Variants in EFHC1 observed in about 807,000 individuals in gnomAD.
EFHC1 encodes the protein EF-hand domain containing 1, also known as EF-hand domain-containing protein 1.
Under a neutral mutation model 69.9 loss-of-function variants are expected in EFHC1, and 53 were observed. The observed-to-expected ratio is 0.76, with a 90% CI of 0.61 to 0.95. The LOEUF is 0.95. Among genes scored for constraint, EFHC1 ranks in the 40% least tolerant of loss-of-function variants. The pLI, the probability that EFHC1 is intolerant of heterozygous loss-of-function variation, is 0.00. For missense variants in EFHC1, 739 were observed against 798.7 expected, an observed-to-expected ratio of 0.93 and a Z score of 0.90; for synonymous variants, 256 against 278.4, an observed-to-expected ratio of 0.92 and a Z score of 0.80.
At position 52,494,278 on chromosome 6, in the gene EFHC1, C is replaced by T. The variant is rs939980704; in HGVS notation, c.*1937C>T. ...GAAGTTTTTTCAGCTTAAAAATTAC[C>T]AAGCTCTATCCTACTTGGCCCAGCT... On this transcript the variant is annotated 3_prime_UTR_variant, in exon 11 of 11. Transcript: ENST00000371068. 2.2e-5 allele frequency: 10 copies of T among 453,960 alleles called. No homozygotes were observed. Among genetic ancestry groups the T allele is most frequent in the African/African-American group, 1.8e-4 (9 of 49,968 alleles). The allele number at this position is 453,960 out of a possible 1,614,324, so 28.1% of individuals were successfully genotyped here.
chr6:52,453,784 G>A, intron 4 of EFHC1: 1 of 1,276,094 alleles, frequency 7.8e-7, no homozygotes, highest in Admixed American at 2.4e-5. Context: ...ACTATGTAAA[G>A]AACTTCATTG....
intron 7 of EFHC1, among the ~76,000 whole-genome samples, chr6:52,472,474 G>A (rs1047933331): frequency 2.0e-5 from 3 of 152,030 alleles, no homozygotes; most frequent in Non-Finnish European, 4.4e-5. Context: ...CTACATTAGG[G>A]AAGTCAATAT....
rs201129694 is a variant in EFHC1, at chr6:52,479,167, C to G, written c.1409C>G (p.Thr470Ser). The change falls in exon 8 of 11, where the codon ACT becomes AGT. Residue 470 changes from threonine (T) to serine (S), a missense_variant. Coordinates refer to ENST00000371068, the MANE Select transcript of EFHC1 (RefSeq NM_018100.4). ...GIIGGKYLGR[T>S]KVVKPYSTVD... ...ATTGGGGGCAAGTACCTTGGCAGGACTAAAGTTGTTAAACCATACTCTACA... is the reference window on the plus strand; with the variant it reads ...ATTGGGGGCAAGTACCTTGGCAGGAGTAAAGTTGTTAAACCATACTCTACA... The G allele has an allele frequency of 2.4e-5, 38 of 1,614,138 alleles. No individual in the cohort carries two copies. Among genetic ancestry groups the G allele is most frequent in the Middle Eastern group, 1.7e-4 (1 of 6,054 alleles).
rs1293882529 is a variant in EFHC1 at position 52,438,385 on chromosome 6, T to C, written c.367T>C (p.Tyr123His). ...GTATAGGATCCGTCAGGTGAACATT[T>C]ACTATTATCTAGAAGATGACAGCAT... ...EQYRIRQVNI[Y>H]YYLEDDSMSV... Residue 123 changes from tyrosine (Y) to histidine (H), a missense_variant, in exon 3 of 11, where the codon TAC (tyrosine) becomes CAC (histidine). Tyr to His is a moderately conservative substitution (Grantham distance 83). Transcript: ENST00000371068. 6.2e-7 allele frequency: 1 copy of C among 1,614,022 alleles called. No individual in the cohort carries two copies. The highest frequency in any genetic ancestry group is 8.5e-7 in the Non-Finnish European group (1 of 1,179,972).
intron 9 of EFHC1, among the ~76,000 whole-genome samples, chr6:52,480,380 C>T (rs987480041): frequency 5.9e-5 from 9 of 152,126 alleles, no homozygotes; most frequent in Non-Finnish European, 1.5e-5. Context: ...AATGCAAATT[C>T]TTGTTGTTCA....
chr6:52,451,501 C>A (rs1482650057), intron 3 of EFHC1, among the ~76,000 whole-genome samples: 2 of 152,180 alleles, frequency 1.3e-5, no homozygotes, highest in Non-Finnish European at 2.9e-5. Flanking sequence ...GCTGAGAAGT[C>A]CAGTGTTAGC....
intron 2 of EFHC1, chr6:52,428,359 A>C (rs1057080219): frequency 7.9e-5 from 12 of 151,314 alleles, no homozygotes; most frequent in African/African-American, 2.7e-4. Flanking sequence ...TTTCCCCCTG[A>C]GTCCCCAAAG....
chr6:52,456,739 C>A (rs1465026463), intron 5 of EFHC1, among the ~76,000 whole-genome samples: 2 of 152,054 alleles, frequency 1.3e-5, no homozygotes, highest in Non-Finnish European at 2.9e-5. Flanking sequence ...CATGGTGAAA[C>A]CCCCTCTCTA....
intron 2 of EFHC1, chr6:52,429,831 T>C (rs1181832887): frequency 6.6e-6 from 1 of 152,184 alleles, no homozygotes; most frequent in Non-Finnish European, 1.5e-5. Flanking sequence ...CAGCATGGAA[T>C]GTGTTTCCAT....
At chr6:52,473,496 A>G (rs1765481362) in intron 7 of EFHC1, among the ~76,000 whole-genome samples, 1 of 152,294 alleles carries the variant, frequency 6.6e-6, no homozygotes, top group South Asian at 2.1e-4. Context: ...AAAATGGATA[A>G]ATGACCGGGC....
rs775052254 is a variant in EFHC1, at chr6:52,492,263, T to C, written c.1852-7T>C. The C allele has an allele frequency of 8.7e-6, 14 of 1,613,644 alleles. No individual in the cohort carries two copies. In the East Asian group the frequency reaches 2.5e-4, roughly 28 times the overall value. On this transcript the variant is annotated splice_region_variant and splice_polypyrimidine_tract_variant and intron_variant, in intron 10 of 10. Transcript: ENST00000371068. ...TGTCTCACCTATTCTCTTTGCTCTC[T>C]CTGCAGTTAATCAGGATGTGCTCTC... is the stretch of plus-strand genomic sequence containing the variant.
chr6:52,453,036 A>G, intron 4 of EFHC1, 199 bp downstream of exon 4: 2 of 1,525,172 alleles, frequency 1.3e-6, no homozygotes, highest in Non-Finnish European at 1.8e-6. Context: ...ATGGAGATCC[A>G]AAGAAGATCG....
At position 52,453,770 on chromosome 6, in the gene EFHC1, T is replaced by C; in HGVS notation, c.724-325T>C. 4.8e-6 allele frequency: 6 copies of C among 1,262,670 alleles called. No individual in the cohort carries two copies. The South Asian group carries it at 6.5e-5, about 14-fold the overall frequency. 78.2% of individuals were successfully genotyped at this position (1,262,670 alleles called of 1,614,324 possible). On this transcript the variant is annotated intron_variant, in intron 4 of 10. Coordinates refer to ENST00000371068, the MANE Select transcript of EFHC1 (RefSeq NM_018100.4). ...ACATGTACCTTTATTAATATATATATACCACTATGTAAAGAACTTCATTGC... is the reference window on the plus strand; with the variant it reads ...ACATGTACCTTTATTAATATATATACACCACTATGTAAAGAACTTCATTGC...
chr6:52,425,896 T>G (rs1449603935), intron 2 of EFHC1, among the ~76,000 whole-genome samples: 1 of 152,190 alleles, frequency 6.6e-6, no homozygotes, highest in Non-Finnish European at 1.5e-5. Context: ...ATAACTTCAT[T>G]TCTTACTTAG....
At chr6:52,460,591 A>G (rs1765143676) in intron 5 of EFHC1, among the ~76,000 whole-genome samples, 1 of 152,232 alleles carries the variant, frequency 6.6e-6, no homozygotes, top group Non-Finnish European at 1.5e-5. Flanking sequence ...ATGTAAGAAC[A>G]CTAGATTCGA....
At chr6:52,482,877 C>A (rs1489336908) in intron 9 of EFHC1, 1 of 398,420 alleles carries the variant, frequency 2.5e-6, no homozygotes, top group Non-Finnish European at 4.4e-6. Flanking sequence ...TCTTCTATAA[C>A]TCTATTTATA....
intron 5 of EFHC1, among the ~76,000 whole-genome samples, chr6:52,460,336 G>A (rs940289132): frequency 6.6e-6 from 1 of 152,062 alleles, no homozygotes; most frequent in Non-Finnish European, 1.5e-5. Flanking sequence ...ATATAAATAA[G>A]CAAAATAGAT....
chr6:52,454,021 C>A (rs776168867), intron 4 of EFHC1, 74 bp from the exon 5 acceptor site: 1 of 1,608,220 alleles, frequency 6.2e-7, no homozygotes, highest in Admixed American at 1.7e-5. Context: ...ATCGTTGATA[C>A]ATAATTGCCA....
rs1293603362 is a variant in EFHC1, at chr6:52,490,329, G to A, written c.1830G>A (p.Val610=). ...TCTGTGAATCGCTTAACGTCCCAGT[G>A]GATGACTCCTTGGTTAAGGAGGTCA... The part of the protein sequence containing the change: ...FKICESLNVP[V]DDSLVKELIR... The change falls in exon 10 of 11, where the codon GTG becomes GTA. Residue 610 remains valine (V), a synonymous_variant. Transcript: ENST00000371068. The A allele has an allele frequency of 2.5e-6, 4 of 1,613,956 alleles. No individual in the cohort carries two copies. Among genetic ancestry groups the A allele is most frequent in the Non-Finnish European group, 3.4e-6 (4 of 1,179,978 alleles).
Sources: gnomAD v4.1 joint callset for allele counts (sites outside exome capture counted in the v4.1 genomes callset) on GRCh38, gnomAD v4.1.1 for gene constraint, MANE v1.5 for transcripts, NCBI Gene and HGNC (gene_info 2026-07-23, HGNC 2026-07-21) for gene names.